ARHGAP15: variants seen among roughly 807,000 people sequenced by gnomAD.
ARHGAP15 encodes Rho GTPase activating protein 15.
In ARHGAP15, 51 loss-of-function variants were observed where a neutral mutation model predicts 63.7. That is an observed-to-expected ratio of 0.80 (90% CI 0.64 to 1.01). ARHGAP15 has a LOEUF of 1.01. Ranked by LOEUF, ARHGAP15 falls within the 50% of genes least tolerant of loss-of-function variation. The pLI, the probability that ARHGAP15 is intolerant of heterozygous loss-of-function variation, is 0.00. For missense variants in ARHGAP15, 560 were observed against 564.6 expected (o/e 0.99, Z 0.08); for synonymous variants, 191 against 193.8 (o/e 0.99, Z 0.12).
intron 9 of ARHGAP15, among the ~76,000 whole-genome samples, chr2:143,515,747 A>G (rs1054260782): frequency 6.6e-6 from 1 of 152,210 alleles, no homozygotes; most frequent in African/African-American, 2.4e-5. Context: ...AAAACAAGAA[A>G]GAAGGTGGGA....
chr2:143,130,865 G>A (rs1025408041), intron 1 of ARHGAP15, among the ~76,000 whole-genome samples: 3 of 151,972 alleles, frequency 2.0e-5, no homozygotes, highest in Non-Finnish European at 4.4e-5. Flanking sequence ...CTTCAATATC[G>A]TGGTTCTGAA....
chr2:143,521,022 G>C (rs1694041935), intron 10 of ARHGAP15, among the ~76,000 whole-genome samples: 1 of 152,124 alleles, frequency 6.6e-6, no homozygotes, highest in Non-Finnish European at 1.5e-5. Flanking sequence ...CATTTTGTTG[G>C]TGATTTTTAA....
intron 13 of ARHGAP15, among the ~76,000 whole-genome samples, chr2:143,729,161 T>C (rs1053227133): frequency 6.6e-6 from 1 of 152,206 alleles, no homozygotes; most frequent in African/African-American, 2.4e-5. Flanking sequence ...GTTAGTATTG[T>C]TCTGATAAAT....
chr2:143,326,206 T>C (rs1476173581), intron 6 of ARHGAP15, among the ~76,000 whole-genome samples: 1 of 152,208 alleles, frequency 6.6e-6, no homozygotes. Context: ...TATGGTACTT[T>C]ATTATTTTCA....
intron 3 of ARHGAP15, among the ~76,000 whole-genome samples, chr2:143,211,044 T>C (rs1380401162): frequency 1.3e-5 from 2 of 152,198 alleles, no homozygotes; most frequent in Non-Finnish European, 2.9e-5. Context: ...AAACTATTAG[T>C]ACTTTATATG....
intron 13 of ARHGAP15, among the ~76,000 whole-genome samples, chr2:143,709,553 G>T (rs2105437383): frequency 1.3e-5 from 2 of 152,184 alleles, no homozygotes; most frequent in South Asian, 4.1e-4. Flanking sequence ...GTGAAAAAAT[G>T]ATATGGCTGA....
chr2:143,431,479 T>C (rs1330130212), intron 6 of ARHGAP15, among the ~76,000 whole-genome samples: 1 of 152,080 alleles, frequency 6.6e-6, no homozygotes, highest in African/African-American at 2.4e-5. Flanking sequence ...AGTGGTGGTA[T>C]TCATATCCTT....
Position 143,290,125 on chromosome 2 carries a change from A to G in ARHGAP15, c.474+39525A>G, listed in dbSNP as rs181408842. On this transcript the variant is annotated intron_variant, in intron 6 of 13. Transcript: ENST00000295095. Reference sequence around the variant, plus strand: ...CAGCCAAGCTCAAAGCAGATAGCAAACTATCTAGTGGGCTTGATCAACACA... The same window carrying G: ...CAGCCAAGCTCAAAGCAGATAGCAAGCTATCTAGTGGGCTTGATCAACACA... Among the ~76,000 whole-genome samples the G allele has an allele frequency of 7.9e-5, 12 of 152,256 alleles. No individual in the cohort carries two copies. The East Asian group carries it at 1.4e-3, about 17-fold the overall frequency.
At chr2:143,606,525 G>A (rs1002865675) in intron 11 of ARHGAP15, among the ~76,000 whole-genome samples, 1 of 152,144 alleles carries the variant, frequency 6.6e-6, no homozygotes, top group Non-Finnish European at 1.5e-5. Flanking sequence ...ATCTCTGCGT[G>A]CACTCAGCTC....
intron 6 of ARHGAP15, among the ~76,000 whole-genome samples, chr2:143,406,404 G>GT (rs1312850325): frequency 6.6e-6 from 1 of 151,886 alleles, no homozygotes; most frequent in Non-Finnish European, 1.5e-5. Flanking sequence ...GTTAAGAGGT[G>GT]TGGCTTTGGT....
At position 143,768,255 on chromosome 2, in the gene ARHGAP15, A is replaced by AT. The variant is rs2072985424; in HGVS notation, c.*89dup. ...ATTTCTGTAAACATATTTCTGAAATATTTTTTGCCTTTCAAGCGACAGATG... is the reference window on the plus strand; with the variant it reads ...ATTTCTGTAAACATATTTCTGAAATATTTTTTTGCCTTTCAAGCGACAGATG... On this transcript the variant is annotated 3_prime_UTR_variant, in exon 14 of 14. Coordinates refer to ENST00000295095, the MANE Select transcript of ARHGAP15 (RefSeq NM_018460.4). The AT allele has an allele frequency of 4.2e-6, 6 of 1,413,964 alleles. No homozygotes were observed. The South Asian group carries it at 5.8e-5, about 14-fold the overall frequency. The allele number at this position is 1,413,964 out of a possible 1,614,324, so 87.6% of individuals were successfully genotyped here. A position where few individuals can be genotyped will look rare whatever the true frequency, so the allele number is the denominator to read the frequency against.
chr2:143,322,093 C>T (rs1242334901), intron 6 of ARHGAP15, among the ~76,000 whole-genome samples: 2 of 152,190 alleles, frequency 1.3e-5, no homozygotes, highest in African/African-American at 4.8e-5. Flanking sequence ...CTCTCCTGCA[C>T]ATACCCAGTG....
At chr2:143,136,017 A>AG (rs1373610242) in intron 1 of ARHGAP15, among the ~76,000 whole-genome samples, 1 of 152,124 alleles carries the variant, frequency 6.6e-6, no homozygotes, top group East Asian at 1.9e-4. Context: ...GTGAGTATAC[A>AG]GTACTCAAAG....
intron 6 of ARHGAP15, among the ~76,000 whole-genome samples, chr2:143,336,070 TGCTCACGGCAGCCTCGACCTCCCAG>T (rs1684758480): frequency 6.6e-6 from 1 of 152,112 alleles, no homozygotes; most frequent in Non-Finnish European, 1.5e-5. Flanking sequence ...GTGTGATCAA[TGCTCACGGCAGCCTCGACCTCCCAG>T]GCTCAAGCGA....
intron 6 of ARHGAP15, among the ~76,000 whole-genome samples, chr2:143,287,792 A>G (rs1439499331): frequency 6.6e-6 from 1 of 152,118 alleles, no homozygotes; most frequent in Non-Finnish European, 1.5e-5. Flanking sequence ...GACAATAGCA[A>G]GACTCTGTCC....
intron 4 of ARHGAP15, among the ~76,000 whole-genome samples, chr2:143,226,458 G>A (rs1303894164): frequency 1.3e-5 from 2 of 152,316 alleles, no homozygotes; most frequent in African/African-American, 4.8e-5. Context: ...CCCTGACCAC[G>A]TATGGTCAAA....
intron 2 of ARHGAP15, among the ~76,000 whole-genome samples, chr2:143,164,350 A>G (rs1379351354): frequency 6.6e-6 from 1 of 152,068 alleles, no homozygotes; most frequent in Non-Finnish European, 1.5e-5. Flanking sequence ...TTTTACATTA[A>G]TGCATGTTAC....
intron 13 of ARHGAP15, among the ~76,000 whole-genome samples, chr2:143,730,269 T>C (rs796469554): frequency 2.0e-5 from 3 of 152,238 alleles, no homozygotes; most frequent in African/African-American, 7.2e-5. Flanking sequence ...CATCCTCTAC[T>C]GTTCTTCATT....
chr2:143,450,241 CA>C (rs1447718853), intron 8 of ARHGAP15, among the ~76,000 whole-genome samples: 2 of 149,724 alleles, frequency 1.3e-5, no homozygotes, highest in African/African-American at 4.9e-5. Flanking sequence ...TTGCTTAACT[CA>C]TTTTTATTGA....
Sources: allele counts gnomAD v4.1 joint callset (sites outside exome capture counted in the v4.1 genomes callset), GRCh38; gene constraint gnomAD v4.1.1; transcripts MANE v1.5; gene names NCBI Gene and HGNC (gene_info 2026-07-23, HGNC 2026-07-21).